The following WWOX variants were observed in gnomAD, a reference collection of about 807,000 sequenced individuals.
WWOX encodes WW domain-containing oxidoreductase.
A neutral mutation model predicts 46.2 loss-of-function variants in WWOX; 69 were observed. The observed-to-expected ratio is 1.49, with a 90% CI of 1.23 to 1.82. The LOEUF (loss-of-function observed/expected upper bound fraction) is 1.82. WWOX is among the 40% of genes most tolerant of loss of function. WWOX has a pLI of 0.00. For missense variants in WWOX, 919 were observed against 542.6 expected (o/e 1.69, Z -6.89); for synonymous variants, 359 against 202.6 (o/e 1.77, Z -6.56).
At chr16:78,954,812 C>T (rs1044861999) in intron 8 of WWOX, among the ~76,000 whole-genome samples, 1 of 152,100 alleles carries the variant, frequency 6.6e-6, no homozygotes, top group Non-Finnish European at 1.5e-5. Flanking sequence ...TTTTTTGAGA[C>T]AGAGTCTCGT....
At chr16:78,883,698 T>G (rs1244958860) in intron 8 of WWOX, among the ~76,000 whole-genome samples, 2 of 149,162 alleles carry the variant, frequency 1.3e-5, no homozygotes, top group Non-Finnish European at 3.0e-5. Flanking sequence ...TACTCCAGCC[T>G]GGGCAACAGA....
chr16:79,007,907 A>C (rs1360515427), intron 8 of WWOX, among the ~76,000 whole-genome samples: 1 of 152,190 alleles, frequency 6.6e-6, no homozygotes, highest in Non-Finnish European at 1.5e-5. Context: ...TCCTCATAAC[A>C]ACCTTGGGAG....
At chr16:78,411,413 C>T (rs1431193452) in intron 6 of WWOX, among the ~76,000 whole-genome samples, 1 of 151,994 alleles carries the variant, frequency 6.6e-6, no homozygotes, top group African/African-American at 2.4e-5. Context: ...TTGAGCAAAA[C>T]CTTGAAGAAC....
intron 8 of WWOX, among the ~76,000 whole-genome samples, chr16:78,540,080 T>C (rs954976529): frequency 4.8e-5 from 7 of 144,426 alleles, no homozygotes; most frequent in African/African-American, 1.8e-4. Context: ...AACTGTAGAG[T>C]TAACATTCTT....
At chr16:78,874,470 A>T (rs993730713) in intron 8 of WWOX, among the ~76,000 whole-genome samples, 1 of 151,968 alleles carries the variant, frequency 6.6e-6, no homozygotes, top group African/African-American at 2.4e-5. Context: ...GATTTCAAAA[A>T]ATTATGGACT....
intron 5 of WWOX, among the ~76,000 whole-genome samples, chr16:78,335,823 G>A (rs1202078948): frequency 3.3e-5 from 5 of 152,158 alleles, no homozygotes; most frequent in African/African-American, 1.2e-4. Context: ...TGAGCATGAT[G>A]ACTCACATTT....
chr16:78,364,241 C>T (rs1420528394), intron 5 of WWOX, among the ~76,000 whole-genome samples: 1 of 152,180 alleles, frequency 6.6e-6, no homozygotes, highest in Non-Finnish European at 1.5e-5. Context: ...TTACCTGTCA[C>T]AGCCATTAAA....
chr16:78,821,901 A>G (rs943964307), intron 8 of WWOX, among the ~76,000 whole-genome samples: 2 of 152,118 alleles, frequency 1.3e-5, no homozygotes, highest in Non-Finnish European at 2.9e-5. Context: ...TTTTTAAGAG[A>G]CAGAATCTCA....
chr16:79,087,544 C>T (rs924466573), intron 8 of WWOX, among the ~76,000 whole-genome samples: 2 of 152,204 alleles, frequency 1.3e-5, no homozygotes, highest in African/African-American at 4.8e-5. Context: ...AGCCAGCCAA[C>T]AGGAGAAAGC....
intron 8 of WWOX, among the ~76,000 whole-genome samples, chr16:78,833,344 C>T (rs935754837): frequency 1.3e-5 from 2 of 152,082 alleles, no homozygotes; most frequent in Non-Finnish European, 2.9e-5. Flanking sequence ...TTATACCAGT[C>T]CTCAACTTGC....
At chr16:78,634,791 T>G (rs986313655) in intron 8 of WWOX, among the ~76,000 whole-genome samples, 1 of 148,710 alleles carries the variant, frequency 6.7e-6, no homozygotes, top group Admixed American at 6.7e-5. Context: ...GCCAATAGTT[T>G]AGAGGCTCAG....
intron 8 of WWOX, among the ~76,000 whole-genome samples, chr16:78,846,394 C>G (rs774650520): frequency 4.6e-5 from 7 of 152,118 alleles, no homozygotes; most frequent in Non-Finnish European, 7.3e-5. Flanking sequence ...TCATATCTCT[C>G]CAGTCCCCTC....
intron 4 of WWOX, among the ~76,000 whole-genome samples, chr16:78,146,722 G>T (rs970439293): frequency 1.3e-5 from 2 of 152,136 alleles, no homozygotes; most frequent in Non-Finnish European, 2.9e-5. Context: ...AAGTGATGGA[G>T]AATTTCTTTT....
chr16:78,938,180 C>G (rs1755215304), intron 8 of WWOX, among the ~76,000 whole-genome samples: 1 of 152,152 alleles, frequency 6.6e-6, no homozygotes, highest in Non-Finnish European at 1.5e-5. Context: ...CACAGGATGG[C>G]TGTTTTGAGA....
chr16:78,869,766 G>A (rs2737284), intron 8 of WWOX, among the ~76,000 whole-genome samples: 5 of 152,094 alleles, frequency 3.3e-5, no homozygotes, highest in Admixed American at 1.3e-4. Context: ...AGTCTTGCTC[G>A]CAGATAGCCT....
chr16:78,852,310 G>A (rs541171571), intron 8 of WWOX, among the ~76,000 whole-genome samples: 6 of 152,264 alleles, frequency 3.9e-5, no homozygotes, highest in African/African-American at 1.4e-4. Context: ...GGAAGTGATA[G>A]CGCATGACCT....
intron 8 of WWOX, among the ~76,000 whole-genome samples, chr16:78,537,442 T>C (rs1274166575): frequency 1.3e-5 from 2 of 152,198 alleles, no homozygotes; most frequent in Non-Finnish European, 2.9e-5. Flanking sequence ...GTTGAGCCCA[T>C]TAATGTGATA....
chr16:78,919,680 G>A (rs1423658454), intron 8 of WWOX, among the ~76,000 whole-genome samples: 1 of 151,872 alleles, frequency 6.6e-6, no homozygotes, highest in African/African-American at 2.4e-5. Context: ...ACCACACCTG[G>A]CTAATTTTTG....
chr16:78,488,966 C>A (rs894043256), intron 8 of WWOX, among the ~76,000 whole-genome samples: 1 of 152,152 alleles, frequency 6.6e-6, no homozygotes, highest in Non-Finnish European at 1.5e-5. Flanking sequence ...TGCCTTGTTG[C>A]CTCCTGCATG....
Sources: allele counts gnomAD v4.1 joint callset (sites outside exome capture counted in the v4.1 genomes callset), GRCh38; gene constraint gnomAD v4.1.1; transcripts MANE v1.5; gene names NCBI Gene and HGNC (gene_info 2026-07-23, HGNC 2026-07-21).